Variants in UBE2D1 observed in about 807,000 individuals in gnomAD.
UBE2D1 encodes the protein ubiquitin conjugating enzyme E2 D1, also known as ubiquitin-conjugating enzyme E2 D1.
Under a neutral mutation model 24.6 loss-of-function variants are expected in UBE2D1, and 9 were observed. The ratio of observed to expected loss-of-function variants is 0.37; its 90% CI spans 0.22 to 0.64. The LOEUF (loss-of-function observed/expected upper bound fraction) is 0.64. Ranked by LOEUF, UBE2D1 falls within the 30% of genes least tolerant of loss-of-function variation. The pLI, the probability that UBE2D1 is intolerant of heterozygous loss-of-function variation, is 0.64. For missense variants in UBE2D1, 87 were observed against 177.1 expected, an observed-to-expected ratio of 0.49 and a Z score of 2.89; for synonymous variants, 57 against 57.6, an observed-to-expected ratio of 0.99 and a Z score of 0.04.
chr10:58,365,395 T>A (rs1479566450), intron 5 of UBE2D1, among the ~76,000 whole-genome samples: 3 of 152,222 alleles, frequency 2.0e-5, no homozygotes, highest in African/African-American at 7.2e-5. Flanking sequence ...TAATAAAGCT[T>A]TACAGCTGTT....
intron 6 of UBE2D1, 165 bp from the exon 7 acceptor site, chr10:58,368,555 C>A: frequency 2.6e-6 from 1 of 390,934 alleles, no homozygotes; most frequent in Non-Finnish European, 4.5e-6. Flanking sequence ...ATTATTTTTC[C>A]TGTTTTATTT....
intron 1 of UBE2D1, among the ~76,000 whole-genome samples, chr10:58,346,578 C>T (rs1042869619): frequency 6.6e-6 from 1 of 151,890 alleles, no homozygotes; most frequent in African/African-American, 2.4e-5. Context: ...TATCTTCTGC[C>T]GAAAAGGAAG....
intron 1 of UBE2D1, among the ~76,000 whole-genome samples, chr10:58,344,272 A>G (rs1839992488): frequency 6.6e-6 from 1 of 152,186 alleles, no homozygotes; most frequent in Non-Finnish European, 1.5e-5. Flanking sequence ...GTGTTGGTTG[A>G]AAATAATGTG....
At chr10:58,335,441 TG>T (rs1839892200) in intron 1 of UBE2D1, among the ~76,000 whole-genome samples, 1 of 152,152 alleles carries the variant, frequency 6.6e-6, no homozygotes, top group Admixed American at 6.5e-5. Context: ...GCTTGAAGGC[TG>T]GGGGCCCGCG....
chr10:58,350,961 G>A (rs1389981130), intron 1 of UBE2D1, among the ~76,000 whole-genome samples: 9 of 152,326 alleles, frequency 5.9e-5, no homozygotes, highest in African/African-American at 1.9e-4. Context: ...TTGTAACACA[G>A]TGGGAAATAT....
intron 1 of UBE2D1, among the ~76,000 whole-genome samples, chr10:58,341,835 A>G (rs959260490): frequency 6.6e-6 from 1 of 152,214 alleles, no homozygotes; most frequent in African/African-American, 2.4e-5. Flanking sequence ...TGCCTTTTTA[A>G]TAGTGAATAA....
intron 1 of UBE2D1, among the ~76,000 whole-genome samples, chr10:58,347,706 G>A (rs976674373): frequency 1.4e-5 from 2 of 143,870 alleles, no homozygotes; most frequent in African/African-American, 5.3e-5. Flanking sequence ...GGAGTGCAAT[G>A]GCACAATCTC....
chr10:58,344,634 T>G (rs1170514916), intron 1 of UBE2D1, among the ~76,000 whole-genome samples: 1 of 152,182 alleles, frequency 6.6e-6, no homozygotes, highest in East Asian at 1.9e-4. Context: ...GAAATAAATG[T>G]TGACATCTCT....
At chr10:58,355,855 G>T (rs1840125658) in intron 1 of UBE2D1, among the ~76,000 whole-genome samples, 1 of 151,808 alleles carries the variant, frequency 6.6e-6, no homozygotes, top group African/African-American at 2.4e-5. Context: ...AATCTCACCA[G>T]TTTTTTTTCA....
chr10:58,361,173 T>C (rs1840193276), intron 1 of UBE2D1, among the ~76,000 whole-genome samples, 165 bp from the exon 2 acceptor site: 1 of 152,214 alleles, frequency 6.6e-6, no homozygotes, highest in Admixed American at 6.5e-5. Context: ...TTGAGTACCT[T>C]ATTCTTTCTA....
chr10:58,341,824 C>T (rs1839964697), intron 1 of UBE2D1, among the ~76,000 whole-genome samples: 1 of 152,134 alleles, frequency 6.6e-6, no homozygotes, highest in Non-Finnish European at 1.5e-5. Context: ...GTAATAGTCC[C>T]TGCCTTTTTA....
intron 1 of UBE2D1, among the ~76,000 whole-genome samples, chr10:58,359,227 A>G (rs944646885): frequency 6.6e-6 from 1 of 152,068 alleles, no homozygotes; most frequent in African/African-American, 2.4e-5. Context: ...TATTGCAGTG[A>G]TTCTAAGGTG....
At chr10:58,342,299 G>A (rs1329945742) in intron 1 of UBE2D1, among the ~76,000 whole-genome samples, 1 of 152,016 alleles carries the variant, frequency 6.6e-6, no homozygotes, top group Non-Finnish European at 1.5e-5. Context: ...CGTTTGTATG[G>A]CTCATCTCTT....
At chr10:58,358,750 T>G (rs138692587) in intron 1 of UBE2D1, among the ~76,000 whole-genome samples, 1 of 152,064 alleles carries the variant, frequency 6.6e-6, no homozygotes, top group African/African-American at 2.4e-5. Context: ...ATCTGTTTCC[T>G]TATTGCTTTT....
intron 1 of UBE2D1, chr10:58,360,956 C>G (rs1318989850): frequency 4.4e-6 from 2 of 455,034 alleles, no homozygotes. Flanking sequence ...AAGTATTATT[C>G]TTTCTGAGCC....
intron 1 of UBE2D1, among the ~76,000 whole-genome samples, chr10:58,340,099 A>G (rs565689449): frequency 1.4e-4 from 21 of 152,238 alleles, no homozygotes; most frequent in Non-Finnish European, 2.9e-4. Context: ...ACGAAAATTT[A>G]GTATCCAAAT....
At chr10:58,347,998 CAA>C (rs1296905332) in intron 1 of UBE2D1, among the ~76,000 whole-genome samples, 1 of 152,142 alleles carries the variant, frequency 6.6e-6, no homozygotes, top group Non-Finnish European at 1.5e-5. Flanking sequence ...ACTGATGTGG[CAA>C]AGTCACATAT....
chr10:58,361,430 G>C, intron 2 of UBE2D1, 29 bp downstream of exon 2: 1 of 1,614,120 alleles, frequency 6.2e-7, no homozygotes, highest in Non-Finnish European at 8.5e-7. Context: ...CTGGGATTAT[G>C]CTACCTTTAA....
At chr10:58,354,973 G>A (rs1840115426) in intron 1 of UBE2D1, among the ~76,000 whole-genome samples, 1 of 152,146 alleles carries the variant, frequency 6.6e-6, no homozygotes, top group South Asian at 2.1e-4. Flanking sequence ...AAAAAGTAGA[G>A]TGGCATTGTT....
Sources: gnomAD v4.1 joint callset for allele counts (sites outside exome capture counted in the v4.1 genomes callset) on GRCh38, gnomAD v4.1.1 for gene constraint, MANE v1.5 for transcripts, NCBI Gene and HGNC (gene_info 2026-07-23, HGNC 2026-07-21) for gene names.